The following NAALADL2 variants were observed in gnomAD, a reference collection of about 807,000 sequenced individuals.
The protein encoded by NAALADL2 is N-acetylated alpha-linked acidic dipeptidase like 2, also known as inactive N-acetylated-alpha-linked acidic dipeptidase-like protein 2.
NAALADL2 carries 76 observed loss-of-function variants against 87.2 expected under a neutral mutation model. The ratio of observed to expected loss-of-function variants is 0.87; its 90% CI spans 0.72 to 1.05. The LOEUF (loss-of-function observed/expected upper bound fraction) is 1.05, where lower values mean the gene tolerates loss of function less well. NAALADL2 is among the 50% of genes least tolerant of loss of function. NAALADL2 has a pLI of 0.00. For missense variants in NAALADL2, 1,089 were observed against 945.8 expected (o/e 1.15, Z -1.99); for synonymous variants, 354 against 331.0 (o/e 1.07, Z -0.75).
chr3:174,952,310 T>C (rs1740489220), intron 1 of NAALADL2, among the ~76,000 whole-genome samples: 1 of 152,156 alleles, frequency 6.6e-6, no homozygotes, highest in East Asian at 1.9e-4. Context: ...CACAGATGAA[T>C]CTCTGTTCCC....
intron 12 of NAALADL2, among the ~76,000 whole-genome samples, chr3:175,742,476 C>CAAGCTCCGCCTCCCGG (rs370144035): frequency 0.24 from 36,831 of 151,422 alleles, 4,819 homozygotes; most frequent in African/African-American, 0.34. Context: ...TGGCTCACTG[C>CAAGCTCCGCCTCCCGG]AAGCTCCGCC....
chr3:174,790,364 A>G (rs1717310814), intron 3 of NAALADL2, among the ~76,000 whole-genome samples: 1 of 152,268 alleles, frequency 6.6e-6, no homozygotes, highest in East Asian at 1.9e-4. Context: ...CAAATATTGC[A>G]TAAGTTCAGG....
At chr3:174,769,206 G>C (rs1714226159) in intron 3 of NAALADL2, among the ~76,000 whole-genome samples, 1 of 151,898 alleles carries the variant, frequency 6.6e-6, no homozygotes, top group African/African-American at 2.4e-5. Context: ...TCTGATATTT[G>C]TTATTCAATA....
intron 1 of NAALADL2, among the ~76,000 whole-genome samples, chr3:175,082,084 A>G (rs1200649566): frequency 6.6e-6 from 1 of 152,092 alleles, no homozygotes; most frequent in Admixed American, 6.6e-5. Context: ...ATTAAAACAC[A>G]ATAAGTGACG....
intron 1 of NAALADL2, among the ~76,000 whole-genome samples, chr3:175,006,461 A>T (rs2108783829): frequency 6.6e-6 from 1 of 152,292 alleles, no homozygotes; most frequent in East Asian, 1.9e-4. Flanking sequence ...CATTATCTAA[A>T]GTTACCTGTG....
chr3:175,441,940 A>G (rs1479094481), intron 5 of NAALADL2, among the ~76,000 whole-genome samples: 1 of 151,470 alleles, frequency 6.6e-6, no homozygotes, highest in African/African-American at 2.4e-5. Context: ...ACTTTTCTTT[A>G]TTTTTATTTT....
At chr3:175,633,592 T>C (rs1015658219) in intron 11 of NAALADL2, among the ~76,000 whole-genome samples, 1 of 151,920 alleles carries the variant, frequency 6.6e-6, no homozygotes, top group African/African-American at 2.4e-5. Flanking sequence ...TATAAAAATC[T>C]CTGAATATGA....
At chr3:175,513,013 T>G (rs1322479725) in intron 9 of NAALADL2, among the ~76,000 whole-genome samples, 3 of 152,210 alleles carry the variant, frequency 2.0e-5, no homozygotes, top group Non-Finnish European at 4.4e-5. Context: ...GAAGCTACTC[T>G]AAAATATACA....
intron 4 of NAALADL2, among the ~76,000 whole-genome samples, chr3:175,309,222 G>T (rs1429938003): frequency 6.6e-6 from 1 of 151,432 alleles, no homozygotes; most frequent in Non-Finnish European, 1.5e-5. Flanking sequence ...TTTCACTCTT[G>T]TCATCCAGGC....
At chr3:174,873,380 G>A (rs895990023) in intron 1 of NAALADL2, among the ~76,000 whole-genome samples, 2 of 151,910 alleles carry the variant, frequency 1.3e-5, no homozygotes, top group Non-Finnish European at 2.9e-5. Flanking sequence ...TCAGCCTCCT[G>A]AGTAGCTGGG....
At chr3:174,981,551 T>C (rs1745114984) in intron 1 of NAALADL2, among the ~76,000 whole-genome samples, 3 of 152,276 alleles carry the variant, frequency 2.0e-5, no homozygotes, top group East Asian at 1.9e-4. Context: ...GAAGTGTTCA[T>C]ATAGAGTTTA....
intron 10 of NAALADL2, among the ~76,000 whole-genome samples, chr3:175,591,446 T>A (rs552208879): frequency 1.9e-4 from 26 of 137,420 alleles, no homozygotes; most frequent in East Asian, 5.8e-4. Context: ...CAGAAAATAA[T>A]TTTTTTTTTA....
chr3:175,672,144 C>A (rs868242772), intron 11 of NAALADL2, among the ~76,000 whole-genome samples: 1 of 152,018 alleles, frequency 6.6e-6, no homozygotes, highest in Non-Finnish European at 1.5e-5. Flanking sequence ...GGAAATGTTG[C>A]TGAATTAGAA....
intron 1 of NAALADL2, among the ~76,000 whole-genome samples, chr3:174,980,649 G>T (rs1285429688): frequency 6.6e-6 from 1 of 152,026 alleles, no homozygotes; most frequent in Non-Finnish European, 1.5e-5. Flanking sequence ...ACTAATTAAT[G>T]TTTATGCTAA....
chr3:175,473,665 A>G (rs1290639229), intron 9 of NAALADL2, among the ~76,000 whole-genome samples: 1 of 151,956 alleles, frequency 6.6e-6, no homozygotes, highest in Non-Finnish European at 1.5e-5. Flanking sequence ...TTTATAAACA[A>G]CTCAAATCTA....
At chr3:174,960,255 T>C (rs565356049) in intron 1 of NAALADL2, among the ~76,000 whole-genome samples, 1 of 152,222 alleles carries the variant, frequency 6.6e-6, no homozygotes, top group African/African-American at 2.4e-5. Flanking sequence ...TAGAAGATTG[T>C]TGAAGTTCTT....
intron 1 of NAALADL2, among the ~76,000 whole-genome samples, chr3:175,048,068 G>A (rs985144468): frequency 1.3e-5 from 2 of 152,112 alleles, no homozygotes; most frequent in Non-Finnish European, 2.9e-5. Context: ...CTTTGGTAGT[G>A]GGATTTGTAC....
At chr3:175,085,164 T>G (rs1718636427) in intron 1 of NAALADL2, among the ~76,000 whole-genome samples, 1 of 152,170 alleles carries the variant, frequency 6.6e-6, no homozygotes, top group Admixed American at 6.5e-5. Flanking sequence ...GAACACAGAT[T>G]CCATAACCAC....
At chr3:175,146,531 A>T (rs1344657567) in intron 2 of NAALADL2, among the ~76,000 whole-genome samples, 35 of 152,176 alleles carry the variant, frequency 2.3e-4, no homozygotes, top group Admixed American at 2.3e-3. Flanking sequence ...TCAGAGATGA[A>T]ATGAAATTCA....
Sources: allele counts gnomAD v4.1 joint callset (sites outside exome capture counted in the v4.1 genomes callset), GRCh38; gene constraint gnomAD v4.1.1; transcripts MANE v1.5; gene names NCBI Gene and HGNC (gene_info 2026-07-23, HGNC 2026-07-21).